The following MCM9 variants were observed in gnomAD, a reference collection of about 807,000 sequenced individuals.
The protein encoded by MCM9 is minichromosome maintenance 9 homologous recombination repair factor.
Under a neutral mutation model 72.8 loss-of-function variants are expected in MCM9, and 55 were observed. The observed-to-expected ratio is 0.76, with a 90% CI of 0.61 to 0.95. MCM9 has a LOEUF of 0.95. Among genes scored for constraint, MCM9 ranks in the 40% least tolerant of loss-of-function variants. The probability of loss-of-function intolerance (pLI) is 0.00; values close to 1 mark genes in which losing one functional copy is unlikely to be tolerated. For synonymous variants in MCM9, 480 were observed against 503.4 expected, an observed-to-expected ratio of 0.95 and a Z score of 0.62; for missense variants, 1,279 against 1,377.0, an observed-to-expected ratio of 0.93 and a Z score of 1.13.
rs1380220881 is a variant in MCM9, at chr6:118,856,546, C to T, written c.1151-1G>A. 5 of 1,535,316 alleles carry T rather than the reference C, an allele frequency of 3.3e-6. No individual in the cohort carries two copies. In the East Asian group the frequency reaches 9.8e-5, roughly 30 times the overall value. Reference sequence around the variant, plus strand: ...TCTTTTACAGCAGTTACCGTCAGACCTGAGGAAACAAGCAAGCCATATCAA... The same window carrying T: ...TCTTTTACAGCAGTTACCGTCAGACTTGAGGAAACAAGCAAGCCATATCAA... On this transcript the variant is annotated splice_acceptor_variant, in intron 8 of 13. Transcript: ENST00000619706. LOFTEE classifies it high-confidence loss of function.
chr6:118,900,120 G>A (rs1779705513), intron 8 of MCM9, among the ~76,000 whole-genome samples: 1 of 152,210 alleles, frequency 6.6e-6, no homozygotes, highest in African/African-American at 2.4e-5. Context: ...ATCACGTGGT[G>A]TAAAGATCTT....
At position 118,856,473 on chromosome 6, in the gene MCM9, G is replaced by A. The variant is rs1257707971; in HGVS notation, c.1223C>T (p.Ala408Val). The stretch of plus-strand genomic sequence containing the variant: ...GAACTCATCAATACAGCAAAGGCCC[G>A]CATCTGCAAGAACTAATGCCCCAGC... ...LEAGALVLAD[A>V]GLCCIDEFNS... The change falls in exon 9 of 14, where the codon GCG becomes GTG. Residue 408 changes from alanine (A) to valine (V), a missense_variant. By Grantham distance (64) the Ala-to-Val change is moderately conservative. Transcript: ENST00000619706. 131 of 1,535,492 alleles carry A rather than the reference G, an allele frequency of 8.5e-5. No individual in the cohort carries two copies. The highest frequency in any genetic ancestry group is 1.7e-4 in the Middle Eastern group (1 of 6,012).
chr6:118,933,711 T>C (rs1277551025), intron 1 of MCM9, among the ~76,000 whole-genome samples: 2 of 152,160 alleles, frequency 1.3e-5, no homozygotes, highest in African/African-American at 2.4e-5. Flanking sequence ...TATATTTTGC[T>C]TTCTCTGAGA....
chr6:118,833,071 G>A (rs957014100), intron 9 of MCM9, among the ~76,000 whole-genome samples: 1 of 152,136 alleles, frequency 6.6e-6, no homozygotes. Flanking sequence ...TACTAGTGGA[G>A]TACAGAAGAG....
At chr6:118,919,439 G>A (rs1178976463) in intron 5 of MCM9, 1 of 152,156 alleles carries the variant, frequency 6.6e-6, no homozygotes, top group Non-Finnish European at 1.5e-5. Context: ...ATCGGATAAT[G>A]TACGTAAATT....
At chr6:118,894,896 A>C (rs1024652611) in intron 8 of MCM9, among the ~76,000 whole-genome samples, 6 of 151,892 alleles carry the variant, frequency 4.0e-5, no homozygotes, top group African/African-American at 1.5e-4. Flanking sequence ...CCGAGCACGG[A>C]GGCTGGGAAG....
At chr6:118,925,913 AT>A (rs576676056) in intron 3 of MCM9, among the ~76,000 whole-genome samples, 238 of 152,332 alleles carry the variant, frequency 1.6e-3, no homozygotes, top group African/African-American at 5.1e-3. Flanking sequence ...TTTAAAAAAA[AT>A]ATGAATACTT....
intron 13 of MCM9, among the ~76,000 whole-genome samples, chr6:118,821,457 C>T (rs949107622): frequency 3.9e-5 from 6 of 152,194 alleles, no homozygotes; most frequent in African/African-American, 1.4e-4. Context: ...CCCCCACTGT[C>T]TTCTGGCTTG....
intron 9 of MCM9, among the ~76,000 whole-genome samples, chr6:118,851,841 C>T (rs922117886): frequency 1.3e-5 from 2 of 152,172 alleles, no homozygotes; most frequent in African/African-American, 4.8e-5. Flanking sequence ...AATAACAATG[C>T]CTACCACAGT....
chr6:118,912,250 TTTA>T (rs1780608431), intron 7 of MCM9: 1 of 152,256 alleles, frequency 6.6e-6, no homozygotes. Context: ...ATATAAGTAT[TTTA>T]TTCTATTTTT....
At chr6:118,869,562 A>G (rs1023729866) in intron 8 of MCM9, among the ~76,000 whole-genome samples, 3 of 136,878 alleles carry the variant, frequency 2.2e-5, no homozygotes, top group African/African-American at 7.8e-5. Context: ...ATCAAACCAC[A>G]AAGAAGGCAA....
chr6:118,910,062 A>G (rs1780427196), intron 8 of MCM9, among the ~76,000 whole-genome samples: 1 of 144,848 alleles, frequency 6.9e-6, no homozygotes, highest in African/African-American at 2.5e-5. Flanking sequence ...GGTTGCAGTG[A>G]GCTGAGATTG....
intron 8 of MCM9, chr6:118,910,472 C>G (rs1399050047): frequency 1.8e-5 from 4 of 217,496 alleles, no homozygotes; most frequent in Non-Finnish European, 3.1e-5. Context: ...TTCACTAATC[C>G]AGTGAATCAG....
chr6:118,918,954 C>G (rs77853397), intron 5 of MCM9: 1 of 152,226 alleles, frequency 6.6e-6, no homozygotes, highest in Non-Finnish European at 1.5e-5. Context: ...TACATAGTTA[C>G]AAACACATTA....
At chr6:118,843,975 A>ATT (rs1265772014) in intron 9 of MCM9, among the ~76,000 whole-genome samples, 11 of 149,432 alleles carry the variant, frequency 7.4e-5, no homozygotes, top group Non-Finnish European at 1.3e-4. Context: ...GTGGTTAGAA[A>ATT]GGCAGGGCCC....
intron 8 of MCM9, among the ~76,000 whole-genome samples, chr6:118,891,887 G>A (rs570076970): frequency 6.6e-6 from 1 of 152,236 alleles, no homozygotes; most frequent in Non-Finnish European, 1.5e-5. Context: ...TACATTCCAT[G>A]CAGCCCTCCA....
chr6:118,933,964 C>CAAAAAAAAAAAAA (rs58109173), intron 1 of MCM9, among the ~76,000 whole-genome samples: 16 of 100,312 alleles, frequency 1.6e-4, no homozygotes, highest in African/African-American at 5.5e-4. Context: ...GGACTTTGCC[C>CAAAAAAAAAAAAA]AAAAAAAAAA....
intron 9 of MCM9, among the ~76,000 whole-genome samples, chr6:118,831,740 T>C (rs978891952): frequency 1.3e-5 from 2 of 152,218 alleles, no homozygotes; most frequent in Non-Finnish European, 2.9e-5. Context: ...ATTCATAGAC[T>C]GTAAGGTAAC....
At chr6:118,911,895 C>T in intron 7 of MCM9, 126 bp from the exon 8 acceptor site, 1 of 637,538 alleles carries the variant, frequency 1.6e-6, no homozygotes, top group South Asian at 2.1e-5. Context: ...AAGGATTTAA[C>T]TAGAAAATCT....
Sources: allele counts gnomAD v4.1 joint callset (sites outside exome capture counted in the v4.1 genomes callset), GRCh38; gene constraint gnomAD v4.1.1; transcripts MANE v1.5; gene names NCBI Gene and HGNC (gene_info 2026-07-23, HGNC 2026-07-21).